The following CDK14 variants were observed in gnomAD, a reference collection of about 807,000 sequenced individuals.
CDK14 encodes the protein cyclin dependent kinase 14.
Under a neutral mutation model 60.7 loss-of-function variants are expected in CDK14, and 34 were observed. That is an observed-to-expected ratio of 0.56 (90% CI 0.43 to 0.75). The LOEUF is 0.75. Among genes scored for constraint, CDK14 ranks in the 30% least tolerant of loss-of-function variants. CDK14 has a pLI of 0.00. For missense variants in CDK14, 482 were observed against 564.1 expected (o/e 0.85, Z 1.47); for synonymous variants, 197 against 203.7 (o/e 0.97, Z 0.28).
At chr7:90,847,371 TA>T (rs1033291192) in intron 5 of CDK14, among the ~76,000 whole-genome samples, 8 of 152,084 alleles carry the variant, frequency 5.3e-5, no homozygotes, top group African/African-American at 1.4e-4. Flanking sequence ...GCAAAGGAAT[TA>T]AAAAATATTT....
At chr7:90,903,130 T>A (rs2117366257) in intron 7 of CDK14, among the ~76,000 whole-genome samples, 1 of 152,224 alleles carries the variant, frequency 6.6e-6, no homozygotes, top group African/African-American at 2.4e-5. Context: ...TCATACACTG[T>A]GGGAATATAA....
At chr7:91,197,566 A>G (rs1435753635) in intron 14 of CDK14, among the ~76,000 whole-genome samples, 1 of 152,204 alleles carries the variant, frequency 6.6e-6, no homozygotes, top group Non-Finnish European at 1.5e-5. Flanking sequence ...CTGAATCATG[A>G]CTAAAAGGAT....
rs530511079 is a variant in CDK14 at position 90,656,476 on chromosome 7, T to G, written c.123+52227T>G. ...CTCACTGCAACCTTTGCCTCACAGGTTCAAGCGATTCTTCTGCCTCAGCCT... is the reference window on the plus strand; with the variant it reads ...CTCACTGCAACCTTTGCCTCACAGGGTCAAGCGATTCTTCTGCCTCAGCCT... On this transcript the variant is annotated intron_variant, in intron 2 of 14. Coordinates refer to ENST00000380050, the MANE Select transcript of CDK14 (RefSeq NM_001287135.2). Among the ~76,000 whole-genome samples the G allele has an allele frequency of 1.1e-4, 16 of 151,260 alleles. No individual in the cohort carries two copies. In the South Asian group the frequency reaches 3.4e-3, roughly 32 times the overall value.
intron 5 of CDK14, among the ~76,000 whole-genome samples, chr7:90,793,234 G>T (rs1805907139): frequency 6.6e-6 from 1 of 152,222 alleles, no homozygotes; most frequent in Admixed American, 6.5e-5. Context: ...AAATATGACA[G>T]ATTATTAGAT....
chr7:90,857,625 G>A (rs1790868367), intron 5 of CDK14, among the ~76,000 whole-genome samples: 1 of 152,180 alleles, frequency 6.6e-6, no homozygotes, highest in African/African-American at 2.4e-5. Context: ...GATTTTTGTA[G>A]ATAAACAATG....
chr7:90,782,827 C>T (rs12704577), intron 4 of CDK14, among the ~76,000 whole-genome samples: 1 of 151,910 alleles, frequency 6.6e-6, no homozygotes, highest in South Asian at 2.1e-4. Context: ...TAAGGAGGAA[C>T]TAAATAATTT....
intron 9 of CDK14, among the ~76,000 whole-genome samples, chr7:90,957,239 A>G (rs1288044284): frequency 6.6e-6 from 1 of 151,934 alleles, no homozygotes; most frequent in Non-Finnish European, 1.5e-5. Context: ...CAACAGTGTA[A>G]AAGTGTTCCT....
chr7:90,677,887 G>A (rs1801233169), intron 2 of CDK14, among the ~76,000 whole-genome samples: 1 of 152,220 alleles, frequency 6.6e-6, no homozygotes, highest in Admixed American at 6.5e-5. Flanking sequence ...TCTAGGGCAT[G>A]TCGTTTCTTT....
chr7:90,626,512 A>G (rs1039180258), intron 2 of CDK14, among the ~76,000 whole-genome samples: 3 of 152,188 alleles, frequency 2.0e-5, no homozygotes, highest in Non-Finnish European at 4.4e-5. Flanking sequence ...TAATTTCTAT[A>G]ATTTATCTAT....
chr7:90,911,459 C>G (rs928164174), intron 7 of CDK14, among the ~76,000 whole-genome samples: 16 of 152,114 alleles, frequency 1.1e-4, no homozygotes, highest in African/African-American at 3.9e-4. Flanking sequence ...GGACCCATTG[C>G]TAATGACTCC....
chr7:90,955,571 G>C (rs1794385774), intron 8 of CDK14, 126 bp from the exon 9 acceptor site: 1 of 962,508 alleles, frequency 1.0e-6, no homozygotes, highest in South Asian at 1.5e-5. Flanking sequence ...TATTAACCTT[G>C]ATACTGCACT....
At chr7:90,999,093 G>T (rs1795770311) in intron 10 of CDK14, among the ~76,000 whole-genome samples, 1 of 151,984 alleles carries the variant, frequency 6.6e-6, no homozygotes, top group Non-Finnish European at 1.5e-5. Flanking sequence ...TCATGGGGGA[G>T]TTTATCTAGT....
chr7:90,675,914 A>G (rs576368389), intron 2 of CDK14, among the ~76,000 whole-genome samples: 5 of 152,376 alleles, frequency 3.3e-5, no homozygotes, highest in Admixed American at 2.0e-4. Context: ...GCAGGAAAGA[A>G]GAAAACTATT....
At chr7:91,153,343 G>A (rs749807057) in intron 14 of CDK14, among the ~76,000 whole-genome samples, 12 of 152,068 alleles carry the variant, frequency 7.9e-5, no homozygotes, top group Non-Finnish European at 1.6e-4. Flanking sequence ...ATTCCTCAAG[G>A]AGCTAAAAGC....
chr7:90,709,396 G>T (rs1334390429), intron 2 of CDK14: 2 of 1,397,300 alleles, frequency 1.4e-6, no homozygotes, highest in Non-Finnish European at 1.9e-6. Flanking sequence ...GCATGATGAG[G>T]TGCATCCCCT....
intron 8 of CDK14, among the ~76,000 whole-genome samples, chr7:90,939,955 T>A (rs1237148211): frequency 6.6e-6 from 1 of 152,174 alleles, no homozygotes; most frequent in East Asian, 1.9e-4. Context: ...GCCTGTCATT[T>A]ACAACCGATG....
intron 10 of CDK14, among the ~76,000 whole-genome samples, chr7:91,032,672 C>T (rs1418455867): frequency 6.6e-6 from 1 of 152,172 alleles, no homozygotes; most frequent in African/African-American, 2.4e-5. Context: ...TGCTTCTCCC[C>T]TAAACCCCCC....
chr7:90,605,827 C>G (rs143050004), intron 2 of CDK14, among the ~76,000 whole-genome samples: 2 of 152,304 alleles, frequency 1.3e-5, no homozygotes, highest in East Asian at 1.9e-4. Context: ...TTTTTACAAA[C>G]TCTTCCTAAT....
At chr7:90,630,042 CAAAACAAAA>C (rs890760360) in intron 2 of CDK14, among the ~76,000 whole-genome samples, 7 of 27,338 alleles carry the variant, frequency 2.6e-4, no homozygotes, top group Non-Finnish European at 3.6e-4. Flanking sequence ...CTGTCTCAAA[CAAAACAAAA>C]CAAAACAAAA....
Sources: gnomAD v4.1 joint callset for allele counts (sites outside exome capture counted in the v4.1 genomes callset) on GRCh38, gnomAD v4.1.1 for gene constraint, MANE v1.5 for transcripts, NCBI Gene and HGNC (gene_info 2026-07-23, HGNC 2026-07-21) for gene names.